SVEP1: variants seen among roughly 807,000 people sequenced by gnomAD.
SVEP1 encodes sushi, von Willebrand factor type A, EGF and pentraxin domain containing 1, also known as sushi, von Willebrand factor type A, EGF and pentraxin domain-containing protein 1.
In SVEP1, 164 loss-of-function variants were observed where a neutral mutation model predicts 367.3. That is an observed-to-expected ratio of 0.45 (90% CI 0.39 to 0.51). The LOEUF is 0.51. SVEP1 is among the 20% of genes least tolerant of loss of function. SVEP1 has a pLI of 0.00. For missense variants in SVEP1, 4,117 were observed against 4,425.3 expected (o/e 0.93, Z 1.98); for synonymous variants, 1,666 against 1,611.6 (o/e 1.03, Z -0.81).
intron 1 of SVEP1, among the ~76,000 whole-genome samples, chr9:110,554,995 G>A (rs1009396403): frequency 6.6e-6 from 1 of 152,090 alleles, no homozygotes; most frequent in African/African-American, 2.4e-5. Context: ...GTTGTAGTAT[G>A]CCAAGAGGTG....
chr9:110,414,136 T>C (rs891751674), intron 36 of SVEP1, among the ~76,000 whole-genome samples: 2 of 152,048 alleles, frequency 1.3e-5, no homozygotes, highest in Non-Finnish European at 2.9e-5. Flanking sequence ...GCAAACTGTA[T>C]TGCAGTGTCA....
intron 3 of SVEP1, among the ~76,000 whole-genome samples, chr9:110,531,811 C>A (rs1471186393): frequency 6.6e-6 from 1 of 152,176 alleles, no homozygotes; most frequent in Non-Finnish European, 1.5e-5. Flanking sequence ...CTACCCCAAA[C>A]CATCAATATA....
chr9:110,508,478 C>T (rs1488186365), intron 5 of SVEP1, among the ~76,000 whole-genome samples: 1 of 152,082 alleles, frequency 6.6e-6, no homozygotes, highest in Non-Finnish European at 1.5e-5. Context: ...ATGCAGAATT[C>T]TGGCCGGGTG....
chr9:110,414,886 C>G (rs1396364507), intron 36 of SVEP1, among the ~76,000 whole-genome samples: 1 of 151,962 alleles, frequency 6.6e-6, no homozygotes, highest in East Asian at 1.9e-4. Context: ...CTGAACATAT[C>G]TAATAATTGC....
intron 1 of SVEP1, among the ~76,000 whole-genome samples, chr9:110,568,269 G>C (rs1217529008): frequency 6.6e-6 from 1 of 152,146 alleles, no homozygotes; most frequent in African/African-American, 2.4e-5. Context: ...GCAAATCAAG[G>C]CTCCCGCTCA....
intron 41 of SVEP1, among the ~76,000 whole-genome samples, chr9:110,389,258 TTAAC>T (rs1215815537): frequency 1.3e-5 from 2 of 152,130 alleles, no homozygotes; most frequent in Non-Finnish European, 2.9e-5. Flanking sequence ...AACTCAATAA[TTAAC>T]TAGTTTTTAA....
At chr9:110,552,750 C>A (rs906017510) in intron 1 of SVEP1, among the ~76,000 whole-genome samples, 1 of 152,172 alleles carries the variant, frequency 6.6e-6, no homozygotes, top group Non-Finnish European at 1.5e-5. Context: ...TGTTGTGTGG[C>A]CCAGTTCCTA....
chr9:110,452,152 A>C (rs962033745), intron 22 of SVEP1, among the ~76,000 whole-genome samples: 4 of 152,236 alleles, frequency 2.6e-5, no homozygotes, highest in South Asian at 2.1e-4. Context: ...ATTTCATAAT[A>C]AAGGTTGTTT....
At chr9:110,578,133 T>C (rs1052793240) in intron 1 of SVEP1, among the ~76,000 whole-genome samples, 3 of 152,214 alleles carry the variant, frequency 2.0e-5, no homozygotes, top group African/African-American at 7.2e-5. Context: ...AGTCCACAAA[T>C]ATTTATGTTC....
At chr9:110,466,653 T>G (rs1353046161) in intron 17 of SVEP1, among the ~76,000 whole-genome samples, 1 of 143,632 alleles carries the variant, frequency 7.0e-6, no homozygotes, top group Admixed American at 7.1e-5. Context: ...CCCAGCTACT[T>G]GGGAGGCTGA....
intron 7 of SVEP1, among the ~76,000 whole-genome samples, chr9:110,497,185 C>T (rs1286550338): frequency 6.6e-6 from 1 of 152,206 alleles, no homozygotes; most frequent in African/African-American, 2.4e-5. Flanking sequence ...GGAATTCACT[C>T]TCCACATTGA....
chr9:110,477,425 A>T (rs975496454), intron 13 of SVEP1, among the ~76,000 whole-genome samples: 6 of 152,182 alleles, frequency 3.9e-5, no homozygotes, highest in Admixed American at 3.9e-4. Context: ...TGTACTACAC[A>T]GTCAACTAAG....
intron 1 of SVEP1, among the ~76,000 whole-genome samples, chr9:110,572,582 C>T (rs556340496): frequency 6.6e-6 from 1 of 152,184 alleles, no homozygotes; most frequent in African/African-American, 2.4e-5. Flanking sequence ...AAATTTTAGG[C>T]CAGGCACAGT....
In SVEP1 at chr9:110,499,117, T is replaced by C; in HGVS notation, c.1605A>G (p.Leu535=). 1.2e-6 allele frequency: 2 copies of C among 1,613,814 alleles called. No individual in the cohort carries two copies. The highest frequency in any genetic ancestry group is 2.2e-5 in the South Asian group (2 of 91,062). ...CYVSCRQGFI[L]SGVKEMLRCT... ...ATCTCAGCATTTCTTTGACTCCAGA[T>C]AAAATGAACCCTTGGCGGCAACTTA... is the stretch of plus-strand genomic sequence containing the variant. Residue 535 remains leucine, a synonymous_variant, in exon 7 of 48, where the codon TTA becomes TTG. Coordinates refer to ENST00000374469, the MANE Select transcript of SVEP1 (RefSeq NM_153366.4).
At chr9:110,400,407 C>G (rs1827839759) in intron 40 of SVEP1, among the ~76,000 whole-genome samples, 2 of 151,440 alleles carry the variant, frequency 1.3e-5, no homozygotes. Context: ...ACTCTTGCCT[C>G]CCAGGCTGGA....
chr9:110,545,784 G>A lies in SVEP1; in HGVS notation c.964+331C>T, dbSNP rs141085600. Among the ~76,000 whole-genome samples the A allele has an allele frequency of 8.0e-4, 121 of 152,198 alleles. 2 individuals are homozygous for A. Among genetic ancestry groups the A allele is most frequent in the African/African-American group, 2.8e-3 (116 of 41,524 alleles). ...CCATTCTTCTTCTTGGAACCCTGCC[G>A]TCCCCACCTGAACAAGCCTGGGCTA... On this transcript the variant is annotated intron_variant, in intron 3 of 47. Coordinates refer to ENST00000374469, the MANE Select transcript of SVEP1 (RefSeq NM_153366.4).
intron 2 of SVEP1, among the ~76,000 whole-genome samples, chr9:110,546,961 C>T (rs73655397): frequency 4.5e-4 from 68 of 152,218 alleles, no homozygotes; most frequent in African/African-American, 1.6e-3. Flanking sequence ...AACAGTAAGT[C>T]CTTTATTCTT....
chr9:110,393,714 C>A (rs539479862), intron 40 of SVEP1, among the ~76,000 whole-genome samples: 5 of 152,342 alleles, frequency 3.3e-5, no homozygotes, highest in African/African-American at 1.2e-4. Flanking sequence ...GATTATATCC[C>A]GCACCTGGCT....
At chr9:110,510,321 T>C (rs1305950372) in intron 5 of SVEP1, among the ~76,000 whole-genome samples, 2 of 152,200 alleles carry the variant, frequency 1.3e-5, no homozygotes, top group Admixed American at 6.5e-5. Flanking sequence ...CCTCTTCTGT[T>C]TCCAAGCTCC....
Sources: allele counts gnomAD v4.1 joint callset (sites outside exome capture counted in the v4.1 genomes callset), GRCh38; gene constraint gnomAD v4.1.1; transcripts MANE v1.5; gene names NCBI Gene and HGNC (gene_info 2026-07-23, HGNC 2026-07-21).